The following FAM234B variants were observed in gnomAD, a reference collection of about 807,000 sequenced individuals.
The protein encoded by FAM234B is family with sequence similarity 234 member B, also known as protein FAM234B.
Under a neutral mutation model 69.3 loss-of-function variants are expected in FAM234B, and 33 were observed. That is an observed-to-expected ratio of 0.48 (90% CI 0.36 to 0.64). FAM234B has a LOEUF of 0.64. FAM234B is among the 30% of genes least tolerant of loss of function. The pLI, the probability that FAM234B is intolerant of heterozygous loss-of-function variation, is 0.00. For missense variants in FAM234B, 697 were observed against 769.7 expected (o/e 0.91, Z 1.12); for synonymous variants, 306 against 306.9 (o/e 1.00, Z 0.03).
At position 13,067,235 on chromosome 12, in the gene FAM234B, G is replaced by A; in HGVS notation, c.1081G>A (p.Glu361Lys). The change falls in exon 7 of 13, where the codon GAA (glutamate) becomes AAA (lysine). Residue 361 changes from glutamate (E) to lysine (K), a missense_variant. By Grantham distance (56) the Glu-to-Lys change is moderately conservative. Coordinates refer to ENST00000197268, the MANE Select transcript of FAM234B (RefSeq NM_020853.2). The surrounding 1 kb of genome is among the most constrained non-coding windows in gnomAD (Gnocchi z 4.7). The part of the protein sequence containing the change: ...RDSSPPSLQI[E>K]EPEWEKRRSI... ...CAGCTCACCACCTTCTCTGCAGATA[G>A]AAGAGCCAGAATGGGAAAAGCGAAG... The A allele has an allele frequency of 1.2e-6, 2 of 1,614,034 alleles. No homozygotes were observed. The highest frequency in any genetic ancestry group is 8.5e-7 in the Non-Finnish European group (1 of 1,179,910).
At chr12:13,071,169 G>A (rs532975667) in intron 9 of FAM234B, 72 bp from the exon 10 acceptor site, 2 of 1,509,116 alleles carry the variant, frequency 1.3e-6, no homozygotes, top group East Asian at 2.3e-5. Flanking sequence ...GTGCATTTTT[G>A]TGTGTGCATT....
chr12:13,072,471 C>T (rs1865116644), intron 10 of FAM234B, among the ~76,000 whole-genome samples: 1 of 152,058 alleles, frequency 6.6e-6, no homozygotes, highest in South Asian at 2.1e-4. Context: ...GTGGCTCATG[C>T]CTGTAATCCC....
At chr12:13,056,518 C>T (rs995279338) in intron 2 of FAM234B, among the ~76,000 whole-genome samples, 2 of 152,114 alleles carry the variant, frequency 1.3e-5, no homozygotes, top group Admixed American at 6.5e-5. Flanking sequence ...ATGGGACTTA[C>T]ATCTCACCTG....
At chr12:13,050,580 T>C (rs1170012109) in intron 1 of FAM234B, among the ~76,000 whole-genome samples, 1 of 152,240 alleles carries the variant, frequency 6.6e-6, no homozygotes, top group East Asian at 1.9e-4. Context: ...ACAAGGGAGG[T>C]AGTATAACTT....
intron 3 of FAM234B, 40 bp downstream of exon 3, chr12:13,058,589 T>G: frequency 1.3e-6 from 2 of 1,529,352 alleles, no homozygotes; most frequent in Non-Finnish European, 1.8e-6. Context: ...ACAGGGGCAC[T>G]GTCAGCTAGG....
At chr12:13,051,190 C>T (rs768673168) in intron 1 of FAM234B, among the ~76,000 whole-genome samples, 10 of 152,322 alleles carry the variant, frequency 6.6e-5, no homozygotes, top group Non-Finnish European at 1.0e-4. Flanking sequence ...AAGAATGCTT[C>T]AAATTGTTTT....
intron 1 of FAM234B, among the ~76,000 whole-genome samples, 161 bp from the exon 2 acceptor site, chr12:13,055,390 C>T (rs1332040973): frequency 2.0e-5 from 3 of 152,210 alleles, no homozygotes; most frequent in African/African-American, 7.2e-5. Flanking sequence ...GCTTCACTGG[C>T]TTCTGTTTTA....
chr12:13,066,126 C>G (rs1266058177), intron 5 of FAM234B, among the ~76,000 whole-genome samples: 2 of 152,216 alleles, frequency 1.3e-5, no homozygotes, highest in Non-Finnish European at 2.9e-5. Flanking sequence ...CAGAGATCAT[C>G]TAGCTGGCAA....
At chr12:13,070,384 G>A (rs1865093001) in intron 9 of FAM234B, among the ~76,000 whole-genome samples, 1 of 152,094 alleles carries the variant, frequency 6.6e-6, no homozygotes, top group African/African-American at 2.4e-5. Context: ...GTGATGCAGA[G>A]TCTGAGCATA....
intron 11 of FAM234B, among the ~76,000 whole-genome samples, chr12:13,077,842 G>T (rs1026642943): frequency 6.6e-6 from 1 of 152,124 alleles, no homozygotes; most frequent in Admixed American, 6.5e-5. Context: ...CTGAGGAATC[G>T]CCACACTGAC....
At chr12:13,070,903 G>A (rs1034727508) in intron 9 of FAM234B, among the ~76,000 whole-genome samples, 2 of 152,132 alleles carry the variant, frequency 1.3e-5, no homozygotes, top group African/African-American at 2.4e-5. Flanking sequence ...TGTCCTAAAC[G>A]TGGACAATCC....
At position 13,062,968 on chromosome 12, in the gene FAM234B, A is replaced by G; in HGVS notation, c.845A>G (p.Glu282Gly). The change falls in exon 5 of 13, where the codon GAA (glutamate) becomes GGA (glycine). Residue 282 changes from glutamate to glycine, a missense_variant. By Grantham distance (98) the Glu-to-Gly change is moderately conservative (BLOSUM62 -2). This residue lies in a region of FAM234B where 380 missense variants were observed against 447.1 expected (regional missense o/e 0.85). Transcript: ENST00000197268. The stretch of plus-strand genomic sequence containing the variant: ...GACCTTGTGGTTCTGGCCATTGGGG[A>G]ATTGCAGGTATGATCTCTATTAAAT... ...VRDLVVLAIG[E>G]LQPDLCFLLV... The G allele has an allele frequency of 6.2e-7, 1 of 1,613,880 alleles. No individual in the cohort carries two copies. Among genetic ancestry groups the G allele is most frequent in the African/African-American group, 1.3e-5 (1 of 75,016 alleles).
chr12:13,047,242 C>A (rs1864822058), intron 1 of FAM234B, among the ~76,000 whole-genome samples: 1 of 152,134 alleles, frequency 6.6e-6, no homozygotes, highest in East Asian at 1.9e-4. Flanking sequence ...ATTCATAAAG[C>A]CTGTAGGGCA....
In FAM234B at chr12:13,044,487, A is replaced by G; in HGVS notation, c.37+47A>G. On this transcript the variant is annotated intron_variant, in intron 1 of 12. Transcript: ENST00000197268. The surrounding 1 kb of genome is among the most constrained non-coding windows in gnomAD (Gnocchi z 5.6). Reference sequence around the variant, plus strand: ...ACCACCCAGTCCCCGCCGGTGTTGGAATAAGGGGAGGCGAGGCTCTGGGGG... The same window carrying G: ...ACCACCCAGTCCCCGCCGGTGTTGGGATAAGGGGAGGCGAGGCTCTGGGGG... 6.5e-7 allele frequency: 1 copy of G among 1,546,246 alleles called. No individual in the cohort carries two copies. Among genetic ancestry groups the G allele is most frequent in the Non-Finnish European group, 8.8e-7 (1 of 1,142,842 alleles).
chr12:13,047,331 A>G (rs1864822875), intron 1 of FAM234B, among the ~76,000 whole-genome samples: 1 of 152,228 alleles, frequency 6.6e-6, no homozygotes, highest in African/African-American at 2.4e-5. Context: ...AGGGAATATC[A>G]GAGCAAAATG....
intron 3 of FAM234B, among the ~76,000 whole-genome samples, chr12:13,060,440 G>GC (rs1864972382): frequency 6.6e-6 from 1 of 152,220 alleles, no homozygotes; most frequent in Admixed American, 6.5e-5. Flanking sequence ...TCATAGTCTA[G>GC]CAGGAAGGGG....
rs577373467 is a variant in FAM234B at position 13,059,624 on chromosome 12, C to T, written c.532+1075C>T. 5.9e-5 allele frequency among the ~76,000 whole-genome samples: 9 copies of T among 152,238 alleles called. No homozygotes were observed. In the East Asian group the frequency reaches 1.7e-3, roughly 29 times the overall value. On this transcript the variant is annotated intron_variant, in intron 3 of 12. Coordinates refer to ENST00000197268, the MANE Select transcript of FAM234B (RefSeq NM_020853.2). ...GATGCCCTAGTGACTGCTTTTAAGT[C>T]GTCTAGGCCTTGGAATACATGTCTA...
intron 1 of FAM234B, among the ~76,000 whole-genome samples, chr12:13,046,237 G>A (rs202231193): frequency 6.5e-4 from 63 of 96,840 alleles, no homozygotes; most frequent in Non-Finnish European, 1.1e-3. Context: ...TACTTGGATG[G>A]GAGAAAATGT....
rs770980630 is a variant in FAM234B at position 13,067,304 on chromosome 12, A to G, written c.1142+8A>G. On this transcript the variant is annotated splice_region_variant and intron_variant, in intron 7 of 12. Coordinates refer to ENST00000197268, the MANE Select transcript of FAM234B (RefSeq NM_020853.2). This position sits in a 1 kb window ranked among gnomAD's most constrained non-coding sequence, Gnocchi z 4.7. ...GCTCATTGATGTTTACAGGTAGGGC[A>G]GACGTCTGTCCTTGGTCACAGTGAG... 1 of 1,613,950 alleles carries G rather than the reference A, an allele frequency of 6.2e-7. No homozygotes were observed. The highest frequency in any genetic ancestry group is 1.7e-5 in the Admixed American group (1 of 60,026).
Sources: allele counts gnomAD v4.1 joint callset (sites outside exome capture counted in the v4.1 genomes callset), GRCh38; gene constraint gnomAD v4.1.1; regional missense constraint gnomAD v4.1.1; non-coding constraint Gnocchi (gnomAD v3.1); transcripts MANE v1.5; gene names NCBI Gene and HGNC (gene_info 2026-07-23, HGNC 2026-07-21).